The following BMPR1B variants were observed in gnomAD, a reference collection of about 807,000 sequenced individuals.
BMPR1B encodes bone morphogenetic protein receptor type-1B.
In BMPR1B, 12 loss-of-function variants were observed where a neutral mutation model predicts 59.1. That is an observed-to-expected ratio of 0.20 (90% CI 0.13 to 0.33). BMPR1B has a LOEUF of 0.33. BMPR1B is among the 10% of genes least tolerant of loss of function. The pLI, the probability that BMPR1B is intolerant of heterozygous loss-of-function variation, is 1.00. For missense variants in BMPR1B, 550 were observed against 610.9 expected, an observed-to-expected ratio of 0.90 and a Z score of 1.05; for synonymous variants, 237 against 207.3, an observed-to-expected ratio of 1.14 and a Z score of -1.23.
At chr4:94,916,534 G>A (rs184013075) in intron 2 of BMPR1B, among the ~76,000 whole-genome samples, 1 of 152,324 alleles carries the variant, frequency 6.6e-6, no homozygotes, top group Admixed American at 6.5e-5. Flanking sequence ...GTATCTGAAA[G>A]TAGAAATTTC....
intron 1 of BMPR1B, among the ~76,000 whole-genome samples, chr4:94,823,787 G>A (rs1224642976): frequency 1.3e-5 from 2 of 150,808 alleles, no homozygotes; most frequent in Non-Finnish European, 2.9e-5. Context: ...TCGCTCTGTC[G>A]CCCAGGCTGC....
intron 3 of BMPR1B, among the ~76,000 whole-genome samples, chr4:95,091,002 C>T (rs1729935805): frequency 6.6e-6 from 1 of 151,906 alleles, no homozygotes; most frequent in African/African-American, 2.4e-5. Context: ...TGAAAGATTT[C>T]TAAATGTTTG....
chr4:94,810,349 C>G (rs1215604764), intron 1 of BMPR1B, among the ~76,000 whole-genome samples: 2 of 152,074 alleles, frequency 1.3e-5, no homozygotes, highest in Non-Finnish European at 2.9e-5. Flanking sequence ...ACTTACAACA[C>G]TATAAATATG....
At chr4:94,810,290 C>T (rs1723764452) in intron 1 of BMPR1B, among the ~76,000 whole-genome samples, 1 of 152,116 alleles carries the variant, frequency 6.6e-6, no homozygotes, top group South Asian at 2.1e-4. Flanking sequence ...TGGTGAGTGC[C>T]ATATTAATCT....
chr4:94,916,670 A>G (rs1210222849), intron 2 of BMPR1B, among the ~76,000 whole-genome samples: 1 of 152,238 alleles, frequency 6.6e-6, no homozygotes, highest in African/African-American at 2.4e-5. Flanking sequence ...AAAAGTTTGG[A>G]AAATTTGTAG....
intron 1 of BMPR1B, among the ~76,000 whole-genome samples, chr4:94,783,226 C>G (rs1722647357): frequency 1.3e-5 from 2 of 152,184 alleles, no homozygotes; most frequent in South Asian, 4.1e-4. Context: ...GCTTCATAGT[C>G]TGATCTAATT....
chr4:95,154,167 T>A (rs1270837462), intron 12 of BMPR1B, among the ~76,000 whole-genome samples: 1 of 152,216 alleles, frequency 6.6e-6, no homozygotes. Context: ...CAGCTATGAT[T>A]TAGGAATAAC....
rs537867999 is a variant in BMPR1B, at chr4:95,126,735, A to AG, written c.585+1615dup. Among the ~76,000 whole-genome samples, 50 of 152,314 alleles carry AG rather than the reference A, an allele frequency of 3.3e-4. No individual in the cohort carries two copies. In the South Asian group the frequency reaches 9.5e-3, roughly 29 times the overall value. Reference sequence around the variant, plus strand: ...ATAAAACTCAGTTCAATAAAGAAAAAGTCTCTATTACAGATTTATTTTCTG... The same window carrying AG: ...ATAAAACTCAGTTCAATAAAGAAAAAGGTCTCTATTACAGATTTATTTTCTG... On this transcript the variant is annotated intron_variant, in intron 8 of 12. Coordinates refer to ENST00000515059, the MANE Select transcript of BMPR1B (RefSeq NM_001203.3).
chr4:94,909,157 C>G (rs945284315), intron 2 of BMPR1B, among the ~76,000 whole-genome samples: 4 of 152,010 alleles, frequency 2.6e-5, no homozygotes, highest in Non-Finnish European at 4.4e-5. Context: ...GGACAGCAGT[C>G]ATTGAATGTA....
chr4:94,971,733 T>G (rs1373648), intron 2 of BMPR1B, among the ~76,000 whole-genome samples: 70,774 of 151,596 alleles, frequency 0.47, 16,939 homozygotes, highest in South Asian at 0.6. Context: ...AATCTAAATT[T>G]TATTAGCAGT....
chr4:94,927,310 C>T (rs1426653193), intron 2 of BMPR1B, among the ~76,000 whole-genome samples: 1 of 152,106 alleles, frequency 6.6e-6, no homozygotes, highest in African/African-American at 2.4e-5. Flanking sequence ...ATTTCCTGCC[C>T]TCATGGAGCC....
At chr4:94,815,218 A>G (rs1182353554) in intron 1 of BMPR1B, among the ~76,000 whole-genome samples, 2 of 152,054 alleles carry the variant, frequency 1.3e-5, no homozygotes, top group African/African-American at 2.4e-5. Context: ...TTTCTTTTAT[A>G]GTCCTTAGAC....
At chr4:94,871,742 C>G (rs982442667) in intron 1 of BMPR1B, among the ~76,000 whole-genome samples, 1 of 152,110 alleles carries the variant, frequency 6.6e-6, no homozygotes, top group African/African-American at 2.4e-5. Flanking sequence ...AGTAAGGATA[C>G]TGAATAGTCA....
chr4:95,054,825 A>G (rs1233432681), intron 3 of BMPR1B, among the ~76,000 whole-genome samples: 1 of 152,186 alleles, frequency 6.6e-6, no homozygotes, highest in Non-Finnish European at 1.5e-5. Flanking sequence ...TTGTTGTTCT[A>G]ACACAATGGT....
At chr4:94,920,789 A>C (rs1295451) in intron 2 of BMPR1B, among the ~76,000 whole-genome samples, 148,963 of 152,314 alleles carry the variant, frequency 0.98, 72,853 homozygotes, top group Middle Eastern at 1. Flanking sequence ...ACAAATAGCT[A>C]CATAATTAAT....
intron 3 of BMPR1B, among the ~76,000 whole-genome samples, chr4:95,059,288 C>T (rs1012446992): frequency 6.6e-6 from 1 of 152,136 alleles, no homozygotes; most frequent in African/African-American, 2.4e-5. Flanking sequence ...ACACATTATA[C>T]TTATCCACAC....
intron 1 of BMPR1B, among the ~76,000 whole-genome samples, chr4:94,785,024 A>G (rs184203653): frequency 2.2e-3 from 336 of 152,308 alleles, no homozygotes; most frequent in African/African-American, 7.5e-3. Flanking sequence ...AAGTTATGCT[A>G]TGGAGCAAAC....
chr4:94,921,367 C>T (rs78949632), intron 2 of BMPR1B, among the ~76,000 whole-genome samples: 3,444 of 152,166 alleles, frequency 0.023, 44 homozygotes, highest in Non-Finnish European at 0.035. Flanking sequence ...ATGCCTGAGA[C>T]TGGGTAATTT....
intron 1 of BMPR1B, among the ~76,000 whole-genome samples, chr4:94,871,776 A>G (rs1172554062): frequency 6.6e-6 from 1 of 152,222 alleles, no homozygotes; most frequent in Non-Finnish European, 1.5e-5. Flanking sequence ...AACTTAGTTT[A>G]CTACCTATAT....
Sources: gnomAD v4.1 joint callset for allele counts (sites outside exome capture counted in the v4.1 genomes callset) on GRCh38, gnomAD v4.1.1 for gene constraint, MANE v1.5 for transcripts, NCBI Gene and HGNC (gene_info 2026-07-23, HGNC 2026-07-21) for gene names.